Variants in TCF7L2 observed in about 807,000 individuals in gnomAD.
TCF7L2 encodes the protein transcription factor 7-like 2.
A neutral mutation model predicts 77.9 loss-of-function variants in TCF7L2; 23 were observed. That is an observed-to-expected ratio of 0.30 (90% CI 0.21 to 0.42). TCF7L2 has a LOEUF of 0.42. TCF7L2 is among the 10% of genes least tolerant of loss of function. The pLI is 1.00. For missense variants in TCF7L2, 654 were observed against 793.1 expected, an observed-to-expected ratio of 0.82 and a Z score of 2.11; for synonymous variants, 413 against 340.2, an observed-to-expected ratio of 1.21 and a Z score of -2.36.
At position 113,037,025 on chromosome 10, in the gene TCF7L2, C is replaced by G. The variant is rs1174293089; in HGVS notation, c.451-3000C>G. Among the ~76,000 whole-genome samples the G allele has an allele frequency of 2.0e-5, 3 of 152,100 alleles. No homozygotes were observed. The South Asian group carries it at 6.2e-4, about 32-fold the overall frequency. ...CCCAACAGAATAGAAATTCCTGCTG[C>G]TTAATGTCTCCAGGAAGGAAAAAAA... is the stretch of plus-strand genomic sequence containing the variant. On this transcript the variant is annotated intron_variant, in intron 4 of 13. Coordinates refer to ENST00000627217, the MANE Select transcript of TCF7L2 (RefSeq NM_001146274.2).
intron 5 of TCF7L2, among the ~76,000 whole-genome samples, chr10:113,097,646 GAAAAAAAAA>G (rs869133669): frequency 2.7e-5 from 1 of 36,734 alleles, no homozygotes; most frequent in African/African-American, 1.1e-4. Flanking sequence ...TCTTGTCTCG[GAAAAAAAAA>G]AAAAAAAAAA....
At chr10:113,093,877 C>T (rs11595150) in intron 5 of TCF7L2, among the ~76,000 whole-genome samples, 23 of 152,174 alleles carry the variant, frequency 1.5e-4, no homozygotes, top group Non-Finnish European at 2.9e-4. Flanking sequence ...ACCATTTTCA[C>T]GGAAATACTT....
chr10:113,093,994 G>A (rs1277603348), intron 5 of TCF7L2, among the ~76,000 whole-genome samples: 1 of 152,170 alleles, frequency 6.6e-6, no homozygotes, highest in African/African-American at 2.4e-5. Flanking sequence ...CCGGGGATTA[G>A]CGAGATGGTG....
Position 113,159,839 on chromosome 10 carries a change from C to A in TCF7L2, c.1319-780C>A, listed in dbSNP as rs988858195. On this transcript the variant is annotated intron_variant, in intron 12 of 13. Transcript: ENST00000627217. ...ATTTGTATCTTTCTCTTCCCCCCCC[C>A]CCCCCCTCTTTCTCTCTCTCTCTCT... 6.4e-5 allele frequency: 10 copies of A among 157,414 alleles called. 1 individual carries two copies. Among genetic ancestry groups the A allele is most frequent in the Middle Eastern group, 4.2e-3 (2 of 474 alleles). The allele number at this position is 157,414 out of a possible 1,614,324, so 9.8% of individuals were successfully genotyped here. A position where few individuals can be genotyped will look rare whatever the true frequency, so the allele number is the denominator to read the frequency against.
chr10:113,039,981 C>T (rs754235320), intron 4 of TCF7L2, 44 bp from the exon 5 acceptor site: 1 of 1,568,296 alleles, frequency 6.4e-7, no homozygotes, highest in Non-Finnish European at 8.8e-7. Flanking sequence ...CATTTACTTT[C>T]TGAATTCATT....
At chr10:113,022,053 G>GA (rs959715392) in intron 4 of TCF7L2, among the ~76,000 whole-genome samples, 8 of 151,254 alleles carry the variant, frequency 5.3e-5, no homozygotes, top group East Asian at 1.9e-4. Context: ...GAAAGAGGAG[G>GA]AAAAAAAAAT....
At chr10:113,126,385 T>C (rs1211509356) in intron 5 of TCF7L2, among the ~76,000 whole-genome samples, 1 of 152,200 alleles carries the variant, frequency 6.6e-6, no homozygotes, top group Non-Finnish European at 1.5e-5. Flanking sequence ...AGATAGCTAT[T>C]AAAGCGTAAT....
chr10:113,121,682 A>T (rs567458217), intron 5 of TCF7L2, among the ~76,000 whole-genome samples: 1 of 152,084 alleles, frequency 6.6e-6, no homozygotes, highest in East Asian at 1.9e-4. Flanking sequence ...CCCTTCTCTC[A>T]ATATATATAT....
At position 112,979,369 on chromosome 10, in the gene TCF7L2, C is replaced by T. The variant is rs1045983333; in HGVS notation, c.450+14745C>T. Among the ~76,000 whole-genome samples, 22 of 152,216 alleles carry T rather than the reference C, an allele frequency of 1.4e-4. No individual in the cohort carries two copies. In the South Asian group the frequency reaches 2.1e-3, roughly 14 times the overall value. ...CATGGTGCACATTGAGTGCCCATTC[C>T]GGGCACATCTTTTATCCCAGAGTCA... On this transcript the variant is annotated intron_variant, in intron 4 of 13. Coordinates refer to ENST00000627217, the MANE Select transcript of TCF7L2 (RefSeq NM_001146274.2).
At chr10:113,099,673 A>G (rs2061420080) in intron 5 of TCF7L2, among the ~76,000 whole-genome samples, 3 of 152,214 alleles carry the variant, frequency 2.0e-5, no homozygotes, top group Admixed American at 2.0e-4. Context: ...TCAGTGTCAC[A>G]CTCGAGTGAA....
intron 4 of TCF7L2, among the ~76,000 whole-genome samples, chr10:113,017,619 G>C (rs556644240): frequency 1.4e-4 from 22 of 152,326 alleles, no homozygotes; most frequent in African/African-American, 4.6e-4. Context: ...GTCCACTGGA[G>C]ACACCCTCTC....
chr10:113,142,952 C>G (rs566921767), intron 6 of TCF7L2, among the ~76,000 whole-genome samples: 4 of 152,300 alleles, frequency 2.6e-5, no homozygotes, highest in Admixed American at 6.5e-5. Flanking sequence ...AAATGTCACC[C>G]AGGGAGACTT....
Position 113,111,888 on chromosome 10 carries a change from A to G in TCF7L2, c.553-29296A>G, listed in dbSNP as rs78906791. The stretch of plus-strand genomic sequence containing the variant: ...TGAGCTTGTTTGTTTTTCTGTCTGT[A>G]AAATGGGGCTGTTTTCATGTGAGAC... On this transcript the variant is annotated intron_variant, in intron 5 of 13. Coordinates refer to ENST00000627217, the MANE Select transcript of TCF7L2 (RefSeq NM_001146274.2). Among the ~76,000 whole-genome samples, 2,088 of 152,290 alleles carry G rather than the reference A, an allele frequency of 0.014. 234 individuals carry two copies. In the East Asian group the frequency reaches 0.29, roughly 21 times the overall value.
In TCF7L2 at chr10:112,988,472, CT is replaced by C. The variant is rs1420534727; in HGVS notation, c.450+23850del. Among the ~76,000 whole-genome samples the C allele has an allele frequency of 3.9e-5, 6 of 152,336 alleles. No homozygotes were observed. In the East Asian group the frequency reaches 1.2e-3, roughly 29 times the overall value. On this transcript the variant is annotated intron_variant, in intron 4 of 13. Coordinates refer to ENST00000627217, the MANE Select transcript of TCF7L2 (RefSeq NM_001146274.2). ...AGGCGTCCTTTTTATCTTTCTTCCA[CT>C]TGACTAAATGAGAATAGTGTGGGTC...
rs191715005 is a variant in TCF7L2 at position 113,126,441 on chromosome 10, G to A, written c.553-14743G>A. On this transcript the variant is annotated intron_variant, in intron 5 of 13. Transcript: ENST00000627217. Reference sequence around the variant, plus strand: ...CATTACTTTCACCAACTTAGGTGAAGTTCTTTGGACTATTGAAATTGCCTT... The same window carrying A: ...CATTACTTTCACCAACTTAGGTGAAATTCTTTGGACTATTGAAATTGCCTT... 3.3e-3 allele frequency among the ~76,000 whole-genome samples: 500 copies of A among 152,230 alleles called. 2 individuals are homozygous for A. The highest frequency in any genetic ancestry group is 0.011 in the African/African-American group (475 of 41,546).
At position 113,165,848 on chromosome 10, in the gene TCF7L2, C is replaced by G. The variant is rs2137655091; in HGVS notation, c.1685C>G (p.Ala562Gly). ...GGGGCCCTGGACCTGCCCCCAGCCG[C>G]TTTGCAGCCTGCCGCCCCCTCCTCA... is the stretch of plus-strand genomic sequence containing the variant. Residue 562 changes from alanine (A) to glycine (G), a missense_variant, in exon 14 of 14, where the codon GCT becomes GGT. Around this residue, in one of 6 missense-constraint regions of TCF7L2, gnomAD observed 272 missense variants for 215.4 expected, o/e 1.26. Transcript: ENST00000627217. 1 of 1,608,296 alleles carries G rather than the reference C, an allele frequency of 6.2e-7. No homozygotes were observed. The highest frequency in any genetic ancestry group is 8.5e-7 in the Non-Finnish European group (1 of 1,176,546).
intron 1 of TCF7L2, 116 bp downstream of exon 1, chr10:112,951,061 T>A: frequency 7.2e-7 from 1 of 1,383,450 alleles, no homozygotes. Flanking sequence ...GCGGGCGGCG[T>A]GTGCGTACGG....
chr10:113,061,056 T>G lies in TCF7L2; in HGVS notation c.552+20930T>G, dbSNP rs542365186. On this transcript the variant is annotated intron_variant, in intron 5 of 13. Coordinates refer to ENST00000627217, the MANE Select transcript of TCF7L2 (RefSeq NM_001146274.2). ...TGGGAATCCACGATCAAACTTGATG[T>G]GTGCGTTTACCCTCCTCCCTTTGAA... Among the ~76,000 whole-genome samples the G allele has an allele frequency of 2.0e-5, 3 of 152,334 alleles. No individual in the cohort carries two copies. The East Asian group carries it at 5.8e-4, about 29-fold the overall frequency.
chr10:112,950,618 G>A lies in TCF7L2; in HGVS notation c.-139G>A. Reference sequence around the variant, plus strand: ...CTCCCCAGGAGAAAAAGACCCCCAAGCAGAAAAAAGTTCACCTTGGACTCG... The same window carrying A: ...CTCCCCAGGAGAAAAAGACCCCCAAACAGAAAAAAGTTCACCTTGGACTCG... On this transcript the variant is annotated 5_prime_UTR_variant, in exon 1 of 14. Transcript: ENST00000627217. 1 of 621,304 alleles carries A rather than the reference G, an allele frequency of 1.6e-6. No individual in the cohort carries two copies. Among genetic ancestry groups the A allele is most frequent in the Non-Finnish European group, 2.3e-6 (1 of 432,074 alleles). 38.5% of individuals were successfully genotyped at this position (621,304 alleles called of 1,614,324 possible). A position where few individuals can be genotyped will look rare whatever the true frequency, so the allele number is the denominator to read the frequency against.
Sources: allele counts gnomAD v4.1 joint callset (sites outside exome capture counted in the v4.1 genomes callset), GRCh38; gene constraint gnomAD v4.1.1; regional missense constraint gnomAD v4.1.1; transcripts MANE v1.5; gene names NCBI Gene and HGNC (gene_info 2026-07-23, HGNC 2026-07-21).